The following MARCHF1 variants were observed in gnomAD, a reference collection of about 807,000 sequenced individuals.
MARCHF1 encodes the protein membrane associated ring-CH-type finger 1, also known as E3 ubiquitin-protein ligase MARCHF1.
MARCHF1 carries 40 observed loss-of-function variants against 54.2 expected under a neutral mutation model. The ratio of observed to expected loss-of-function variants is 0.74; its 90% CI spans 0.57 to 0.96. The LOEUF (loss-of-function observed/expected upper bound fraction) is 0.96, where lower values mean the gene tolerates loss of function less well. Among genes scored for constraint, MARCHF1 ranks in the 40% least tolerant of loss-of-function variants. The pLI, the probability that MARCHF1 is intolerant of heterozygous loss-of-function variation, is 0.00. For missense variants in MARCHF1, 586 were observed against 656.5 expected (o/e 0.89, Z 1.17); for synonymous variants, 236 against 236.3 (o/e 1.00, Z 0.01).
chr4:163,605,540 G>A (rs901144186), intron 7 of MARCHF1, among the ~76,000 whole-genome samples: 12 of 152,228 alleles, frequency 7.9e-5, no homozygotes, highest in Middle Eastern at 3.4e-3. Flanking sequence ...ATCTGACCCA[G>A]CAATCCCATT....
intron 1 of MARCHF1, among the ~76,000 whole-genome samples, chr4:164,364,703 T>A (rs62350481): frequency 1.2e-4 from 18 of 151,808 alleles, no homozygotes; most frequent in African/African-American, 3.1e-4. Flanking sequence ...TTTTTTTTTT[T>A]AAATAAAAAG....
chr4:163,803,514 T>A (rs974356339), intron 4 of MARCHF1, among the ~76,000 whole-genome samples: 3 of 149,258 alleles, frequency 2.0e-5, no homozygotes, highest in Admixed American at 6.6e-5. Context: ...CCATCCTGAA[T>A]CCATAGGTGT....
intron 4 of MARCHF1, among the ~76,000 whole-genome samples, chr4:163,786,339 G>A (rs950379874): frequency 4.6e-5 from 7 of 151,790 alleles, no homozygotes; most frequent in Admixed American, 3.3e-4. Flanking sequence ...GGCATCAATC[G>A]ATTTGAGGCA....
chr4:163,735,244 T>TC (rs1746001882), intron 4 of MARCHF1, among the ~76,000 whole-genome samples: 1 of 152,078 alleles, frequency 6.6e-6, no homozygotes, highest in South Asian at 2.1e-4. Context: ...TCCACCTATC[T>TC]CCCTGGATCT....
chr4:163,860,229 T>C (rs1375370609), intron 3 of MARCHF1, among the ~76,000 whole-genome samples: 2 of 152,132 alleles, frequency 1.3e-5, no homozygotes, highest in African/African-American at 4.8e-5. Context: ...TTAAGCTGTA[T>C]CTTCGATATA....
intron 3 of MARCHF1, among the ~76,000 whole-genome samples, chr4:163,916,926 T>C (rs971712009): frequency 6.6e-6 from 1 of 152,154 alleles, no homozygotes; most frequent in African/African-American, 2.4e-5. Context: ...TTGACAAATG[T>C]ATAATGATAT....
At chr4:164,146,329 G>A (rs1223931272) in intron 1 of MARCHF1, among the ~76,000 whole-genome samples, 2 of 148,814 alleles carry the variant, frequency 1.3e-5, no homozygotes, top group South Asian at 2.1e-4. Context: ...CTACTTTAAA[G>A]TTCATATGGA....
Position 163,920,701 on chromosome 4 carries a change from C to T in MARCHF1, c.-38-66532G>A, listed in dbSNP as rs1380111065. ...CCCCCACAGGATGGACTGACAGAGA[C>T]AGATGGGCCAAGAGCTGGGAAACAT... On this transcript the variant is annotated intron_variant, in intron 3 of 9. Transcript: ENST00000514618. Among the ~76,000 whole-genome samples the T allele has an allele frequency of 2.6e-5, 4 of 152,238 alleles. No homozygotes were observed. In the South Asian group the frequency reaches 8.3e-4, roughly 32 times the overall value.
chr4:164,030,330 T>G (rs1478514261), intron 2 of MARCHF1, among the ~76,000 whole-genome samples: 1 of 152,176 alleles, frequency 6.6e-6, no homozygotes, highest in Non-Finnish European at 1.5e-5. Context: ...TCCATTGTCT[T>G]TTAACATTCA....
intron 1 of MARCHF1, among the ~76,000 whole-genome samples, chr4:164,199,703 GAGAGAGAGA>G (rs1731399294): frequency 6.9e-6 from 1 of 145,380 alleles, no homozygotes. Flanking sequence ...GAGAGAGAGA[GAGAGAGAGA>G]AGAGAGGAGA....
chr4:164,189,369 C>A, intron 1 of MARCHF1: 1 of 627,570 alleles, frequency 1.6e-6, no homozygotes, highest in South Asian at 2.0e-5. Context: ...AAGAGCTAAA[C>A]ATGGATCTGT....
intron 4 of MARCHF1, among the ~76,000 whole-genome samples, chr4:163,767,098 T>TGAAAAAA (rs1746999783): frequency 9.4e-6 from 1 of 106,702 alleles, no homozygotes; most frequent in Non-Finnish European, 1.9e-5. Context: ...TACGGCGATG[T>TGAAAAAA]AAAAAAAAAA....
At chr4:163,720,760 A>T (rs1025454928) in intron 4 of MARCHF1, among the ~76,000 whole-genome samples, 4 of 152,052 alleles carry the variant, frequency 2.6e-5, no homozygotes, top group Non-Finnish European at 5.9e-5. Flanking sequence ...TGTAAGTTGG[A>T]TTCCTAGGTA....
At chr4:164,270,520 T>C (rs1007867743) in intron 1 of MARCHF1, among the ~76,000 whole-genome samples, 1 of 152,188 alleles carries the variant, frequency 6.6e-6, no homozygotes, top group African/African-American at 2.4e-5. Context: ...TAAAGCATGT[T>C]ACATACTAGG....
intron 3 of MARCHF1, among the ~76,000 whole-genome samples, chr4:163,882,344 G>A (rs569239425): frequency 6.6e-6 from 1 of 152,258 alleles, no homozygotes; most frequent in South Asian, 2.1e-4. Flanking sequence ...CTATCATAAA[G>A]TCTTTAGACA....
At chr4:164,031,030 A>T (rs890594663) in intron 2 of MARCHF1, among the ~76,000 whole-genome samples, 2 of 152,138 alleles carry the variant, frequency 1.3e-5, no homozygotes, top group African/African-American at 4.8e-5. Context: ...AGACAATTTG[A>T]CTTCCTCTTT....
intron 3 of MARCHF1, among the ~76,000 whole-genome samples, chr4:163,859,010 GTAT>G (rs1749847643): frequency 6.6e-6 from 1 of 152,112 alleles, no homozygotes; most frequent in African/African-American, 2.4e-5. Context: ...GTTCATAGTT[GTAT>G]TCTAGGATGT....
intron 2 of MARCHF1, among the ~76,000 whole-genome samples, chr4:164,028,407 T>A (rs1753813663): frequency 6.6e-6 from 1 of 151,960 alleles, no homozygotes; most frequent in Non-Finnish European, 1.5e-5. Context: ...ATGGATGAAA[T>A]CATATTCTTT....
chr4:164,062,480 T>C (rs1359123740), intron 2 of MARCHF1, among the ~76,000 whole-genome samples: 2 of 152,128 alleles, frequency 1.3e-5, no homozygotes, highest in African/African-American at 2.4e-5. Flanking sequence ...GAAATCACTA[T>C]ATATGGATAC....
Sources: gnomAD v4.1 joint callset for allele counts (sites outside exome capture counted in the v4.1 genomes callset) on GRCh38, gnomAD v4.1.1 for gene constraint, MANE v1.5 for transcripts, NCBI Gene and HGNC (gene_info 2026-07-23, HGNC 2026-07-21) for gene names.